SYT16: variants seen among roughly 807,000 people sequenced by gnomAD.
The protein encoded by SYT16 is synaptotagmin-16.
SYT16 carries 42 observed loss-of-function variants against 61.4 expected under a neutral mutation model. That is an observed-to-expected ratio of 0.68 (90% CI 0.53 to 0.89). The LOEUF (loss-of-function observed/expected upper bound fraction) is 0.89. Among genes scored for constraint, SYT16 ranks in the 40% least tolerant of loss-of-function variants. The probability of loss-of-function intolerance (pLI) is 0.00; values close to 1 mark genes in which losing one functional copy is unlikely to be tolerated. For synonymous variants in SYT16, 314 were observed against 302.3 expected (o/e 1.04, Z -0.40); for missense variants, 804 against 807.3 (o/e 1.00, Z 0.05).
chr14:61,877,149 G>A (rs1223009006), intron 1 of SYT16, among the ~76,000 whole-genome samples: 6 of 152,130 alleles, frequency 3.9e-5, no homozygotes, highest in East Asian at 1.9e-4. Flanking sequence ...GGTTTTCTTC[G>A]GGAGCTGGTC....
chr14:61,950,918 G>C (rs2078125135), intron 1 of SYT16, among the ~76,000 whole-genome samples: 2 of 152,146 alleles, frequency 1.3e-5, no homozygotes, highest in Admixed American at 6.5e-5. Flanking sequence ...ATTAACTCTA[G>C]AGAAACTTCC....
chr14:61,893,830 G>A (rs370849761), intron 1 of SYT16, among the ~76,000 whole-genome samples: 1 of 152,238 alleles, frequency 6.6e-6, no homozygotes, highest in African/African-American at 2.4e-5. Flanking sequence ...GCTGGAGGTA[G>A]GTCCCATGTC....
chr14:62,081,160 C>T lies in SYT16; in HGVS notation c.1320C>T (p.Ala440=). 6.2e-7 allele frequency: 1 copy of T among 1,613,926 alleles called. No individual in the cohort carries two copies. The highest frequency in any genetic ancestry group is 8.5e-7 in the Non-Finnish European group (1 of 1,179,890). The change falls in exon 6 of 8, where the codon GCC becomes GCT. Residue 440 remains alanine, a synonymous_variant. Transcript: ENST00000683842. ...CTGTCCGCTTCCGCCTGTACGCTGC[C>T]CGGAAGATGACCCGAGAGAGAATGA... ...ACAVRFRLYA[A]RKMTRERMMG...
Position 61,888,125 on chromosome 14 carries a change from C to CT in SYT16, c.-325+75332dup, listed in dbSNP as rs756842240. Reference sequence around the variant, plus strand: ...TAATTGGCCTAATTTCTTTTCTTTTCTTTTTTTTTTTTTTTTTGAGACGGA... The same window carrying CT: ...TAATTGGCCTAATTTCTTTTCTTTTCTTTTTTTTTTTTTTTTTTGAGACGGA... On this transcript the variant is annotated intron_variant, in intron 1 of 7. Transcript: ENST00000683842. 7.7e-3 allele frequency among the ~76,000 whole-genome samples: 1,034 copies of CT among 134,150 alleles called. 10 individuals are homozygous for CT. The highest frequency in any genetic ancestry group is 0.02 in the African/African-American group (723 of 36,116). 88.0% of individuals were successfully genotyped at this position (134,150 alleles called of 152,430 possible).
At chr14:61,962,792 C>T (rs557188807) in intron 1 of SYT16, among the ~76,000 whole-genome samples, 2 of 152,146 alleles carry the variant, frequency 1.3e-5, no homozygotes, top group East Asian at 1.9e-4. Flanking sequence ...GAAGCTCTCT[C>T]TTCAGTTCAG....
At chr14:62,039,873 A>ACACG (rs747586231) in intron 3 of SYT16, among the ~76,000 whole-genome samples, 34 of 110,214 alleles carry the variant, frequency 3.1e-4, no homozygotes, top group African/African-American at 1.1e-3. Context: ...ACACACACAC[A>ACACG]CACACGCACA....
At position 61,958,655 on chromosome 14, in the gene SYT16, T is replaced by A. The variant is rs182337167; in HGVS notation, c.-324-11477T>A. 9.2e-5 allele frequency among the ~76,000 whole-genome samples: 14 copies of A among 152,172 alleles called. 1 individual carries two copies. In the East Asian group the frequency reaches 2.7e-3, roughly 29 times the overall value. Reference sequence around the variant, plus strand: ...CAGTCTTCTTAAGTTTGTTAAGAATTGTTTTGTGACCTAGCATGTTATCCA... The same window carrying A: ...CAGTCTTCTTAAGTTTGTTAAGAATAGTTTTGTGACCTAGCATGTTATCCA... On this transcript the variant is annotated intron_variant, in intron 1 of 7. Coordinates refer to ENST00000683842, the MANE Select transcript of SYT16 (RefSeq NM_001367656.1).
chr14:62,083,701 TC>T (rs1361657375), intron 6 of SYT16, among the ~76,000 whole-genome samples: 4 of 152,218 alleles, frequency 2.6e-5, no homozygotes, highest in Non-Finnish European at 5.9e-5. Context: ...AGCCAAATGT[TC>T]TATGTGGGGG....
intron 1 of SYT16, among the ~76,000 whole-genome samples, chr14:61,858,839 TTTTTC>T (rs1187324664): frequency 0.022 from 3,309 of 150,662 alleles, 59 homozygotes; most frequent in African/African-American, 0.047. Flanking sequence ...ATCATTTTCT[TTTTTC>T]TTTTCTTTTC....
intron 1 of SYT16, among the ~76,000 whole-genome samples, chr14:61,968,188 GA>G (rs1364230608): frequency 2.0e-5 from 3 of 152,142 alleles, no homozygotes; most frequent in African/African-American, 4.8e-5. Context: ...TTAAACTCAG[GA>G]GGCGGAGGTT....
intron 1 of SYT16, among the ~76,000 whole-genome samples, chr14:61,944,862 G>A (rs572554266): frequency 1.3e-5 from 2 of 152,124 alleles, no homozygotes; most frequent in East Asian, 1.9e-4. Flanking sequence ...CAAAAGCAAT[G>A]GCAACAAAAA....
chr14:61,862,118 G>A (rs2046983780), intron 1 of SYT16, among the ~76,000 whole-genome samples: 1 of 152,196 alleles, frequency 6.6e-6, no homozygotes, highest in African/African-American at 2.4e-5. Flanking sequence ...ATAGCTTTAT[G>A]AAAGTATAAT....
intron 1 of SYT16, among the ~76,000 whole-genome samples, chr14:61,895,152 C>T (rs2048282219): frequency 6.6e-6 from 1 of 152,154 alleles, no homozygotes; most frequent in Non-Finnish European, 1.5e-5. Context: ...CCATTGTGAA[C>T]TAATGTGAAG....
intron 1 of SYT16, among the ~76,000 whole-genome samples, chr14:61,919,545 C>G (rs1336146411): frequency 6.6e-6 from 1 of 152,200 alleles, no homozygotes; most frequent in Non-Finnish European, 1.5e-5. Flanking sequence ...GGCTCATGGC[C>G]TCTTCCTCCA....
At chr14:62,056,451 C>T (rs1319437619) in intron 3 of SYT16, among the ~76,000 whole-genome samples, 5 of 152,146 alleles carry the variant, frequency 3.3e-5, no homozygotes, top group African/African-American at 9.7e-5. Flanking sequence ...ACAGCAAAAA[C>T]CCTAAATTTC....
intron 3 of SYT16, 44 bp downstream of exon 3, chr14:61,996,586 C>A: frequency 6.5e-7 from 1 of 1,529,982 alleles, no homozygotes; most frequent in East Asian, 2.3e-5. Flanking sequence ...CTCCAAAGAG[C>A]ATTTCTACTT....
intron 1 of SYT16, among the ~76,000 whole-genome samples, chr14:61,967,141 C>T (rs1399010090): frequency 6.6e-6 from 1 of 152,106 alleles, no homozygotes; most frequent in Admixed American, 6.5e-5. Context: ...GCAGTTGTCC[C>T]AGGGAGTTGA....
Position 61,895,616 on chromosome 14 carries a change from A to G in SYT16, c.-324-74516A>G, listed in dbSNP as rs191639998. 2.1e-4 allele frequency among the ~76,000 whole-genome samples: 32 copies of G among 152,274 alleles called. No homozygotes were observed. In the East Asian group the frequency reaches 5.8e-3, roughly 28 times the overall value. On this transcript the variant is annotated intron_variant, in intron 1 of 7. Transcript: ENST00000683842. ...ACTCAGTGAATATTAGCTGTATTTT[A>G]CTATTACTGCTACCCCCACCACTAG...
intron 1 of SYT16, among the ~76,000 whole-genome samples, chr14:61,915,733 C>T (rs1259260784): frequency 6.6e-6 from 1 of 152,176 alleles, no homozygotes; most frequent in Non-Finnish European, 1.5e-5. Context: ...GTGTTGGCGT[C>T]CAGTGTGACT....
Sources: gnomAD v4.1 joint callset for allele counts (sites outside exome capture counted in the v4.1 genomes callset) on GRCh38, gnomAD v4.1.1 for gene constraint, MANE v1.5 for transcripts, NCBI Gene and HGNC (gene_info 2026-07-23, HGNC 2026-07-21) for gene names.